Variants in KAZALD1 observed in about 807,000 individuals in gnomAD.
KAZALD1 encodes kazal-type serine protease inhibitor domain-containing protein 1.
In KAZALD1, 31 loss-of-function variants were observed where a neutral mutation model predicts 27.7. That is an observed-to-expected ratio of 1.12 (90% CI 0.84 to 1.51). KAZALD1 has a LOEUF of 1.51. Among genes scored for constraint, KAZALD1 ranks in the 40% most tolerant of loss-of-function variants. KAZALD1 has a pLI of 0.00. For synonymous variants in KAZALD1, 179 were observed against 182.0 expected (o/e 0.98, Z 0.13); for missense variants, 444 against 408.9 (o/e 1.09, Z -0.74).
chr10:101,067,587 A>T, downstream of KAZALD1: 2 of 339,042 alleles, frequency 5.9e-6, no homozygotes, highest in Non-Finnish European at 1.2e-5. Context: ...GGGCTGTCTG[A>T]AAATGACCCT....
At position 101,066,460 on chromosome 10, in the gene KAZALD1, G is replaced by C. The variant is rs1247527518; in HGVS notation, c.*1540G>C. On this transcript the variant is annotated 3_prime_UTR_variant, in exon 5 of 5. Transcript: ENST00000370200. ...TTATTGCCGAACCCAGGCTGGAAGCGGGCGGCCCTAGGAGCCGCGCACAAC... is the reference window on the plus strand; with the variant it reads ...TTATTGCCGAACCCAGGCTGGAAGCCGGCGGCCCTAGGAGCCGCGCACAAC... The C allele has an allele frequency of 8.8e-6, 4 of 456,712 alleles. No homozygotes were observed. In the East Asian group the frequency reaches 2.8e-4, roughly 32 times the overall value. 28.3% of individuals were successfully genotyped at this position (456,712 alleles called of 1,614,324 possible). A position where few individuals can be genotyped will look rare whatever the true frequency, so the allele number is the denominator to read the frequency against.
chr10:101,063,005 A>G lies in KAZALD1; in HGVS notation c.413A>G (p.Asp138Gly). 1 of 1,600,216 alleles carries G rather than the reference A, an allele frequency of 6.2e-7. No individual in the cohort carries two copies. The highest frequency in any genetic ancestry group is 8.5e-7 in the Non-Finnish European group (1 of 1,179,086). Residue 138 changes from aspartate (D) to glycine (G), a missense_variant, in exon 2 of 5, where the codon GAC (aspartate) becomes GGC (glycine). Transcript: ENST00000370200. ...CRSQSPLCGSDGHTYSQICRL... is the reference protein window; with the variant it reads ...CRSQSPLCGSGGHTYSQICRL... ...TCGCAGAGTCCGCTCTGCGGGTCCG[A>G]CGGTCACACCTACTCCCAGATCTGC... is the stretch of plus-strand genomic sequence containing the variant.
chr10:101,066,248 C>A lies in KAZALD1; in HGVS notation c.*1328C>A. On this transcript the variant is annotated 3_prime_UTR_variant, in exon 5 of 5. Coordinates refer to ENST00000370200, the MANE Select transcript of KAZALD1 (RefSeq NM_030929.5). ...CTCCACCCGGATCCTGGCGCCACTGCGGGAGGGCCTGCCCTTGGCTCAGCG... is the reference window on the plus strand; with the variant it reads ...CTCCACCCGGATCCTGGCGCCACTGAGGGAGGGCCTGCCCTTGGCTCAGCG... 2.8e-6 allele frequency: 1 copy of A among 361,990 alleles called. No individual in the cohort carries two copies. The highest frequency in any genetic ancestry group is 2.1e-5 in the South Asian group (1 of 48,614). 22.4% of individuals were successfully genotyped at this position (361,990 alleles called of 1,614,324 possible). A position where few individuals can be genotyped will look rare whatever the true frequency, so the allele number is the denominator to read the frequency against.
chr10:101,064,912 T>G lies in KAZALD1; in HGVS notation c.907T>G (p.Tyr303Asp). 6 of 1,612,106 alleles carry G rather than the reference T, an allele frequency of 3.7e-6. No individual in the cohort carries two copies. Among genetic ancestry groups the G allele is most frequent in the Non-Finnish European group, 4.2e-6 (5 of 1,178,214 alleles). Reference sequence around the variant, plus strand: ...GGCTGAGAGTGAAGAGAATGACGATTACTACTAGGTCCAGAGCTCTGGCCC... The same window carrying G: ...GGCTGAGAGTGAAGAGAATGACGATGACTACTAGGTCCAGAGCTCTGGCCC... ...EEAESEENDD[Y>D]Y Residue 303 changes from tyrosine to aspartate, a missense_variant, in exon 5 of 5, where the codon TAC (tyrosine) becomes GAC (aspartate). Coordinates refer to ENST00000370200, the MANE Select transcript of KAZALD1 (RefSeq NM_030929.5).
In KAZALD1 at chr10:101,062,785, C is replaced by T. The variant is rs1051187286; in HGVS notation, c.193C>T (p.Arg65Trp). The T allele has an allele frequency of 1.8e-5, 28 of 1,559,774 alleles. No homozygotes were observed. Among genetic ancestry groups the T allele is most frequent in the Non-Finnish European group, 2.2e-5 (25 of 1,161,978 alleles). Reference sequence around the variant, plus strand: ...CCGGCCAGAAGAGTGCGCCGCGCCGCGGGGCTGCCTGGCGGGCAGGGTGCG... The same window carrying T: ...CCGGCCAGAAGAGTGCGCCGCGCCGTGGGGCTGCCTGGCGGGCAGGGTGCG... ...PCRPEECAAP[R>W]GCLAGRVRDA... The change falls in exon 2 of 5, where the codon CGG becomes TGG. Residue 65 changes from arginine to tryptophan, a missense_variant. By Grantham distance (101) the Arg-to-Trp change is moderately radical. Transcript: ENST00000370200.
At position 101,066,425 on chromosome 10, in the gene KAZALD1, G is replaced by T. The variant is rs1389656992; in HGVS notation, c.*1505G>T. On this transcript the variant is annotated 3_prime_UTR_variant, in exon 5 of 5. Transcript: ENST00000370200. ...TGGCTTGCCCCGGGTCCTTAAGCCA[G>T]CGACAGTTTTTATTGCCGAACCCAG... 3 of 456,774 alleles carry T rather than the reference G, an allele frequency of 6.6e-6. No homozygotes were observed. Among genetic ancestry groups the T allele is most frequent in the South Asian group, 4.6e-5 (3 of 64,570 alleles). The allele number at this position is 456,774 out of a possible 1,614,324, so 28.3% of individuals were successfully genotyped here.
At chr10:101,067,441 A>G, downstream of KAZALD1, 1 of 394,098 alleles carries the variant, frequency 2.5e-6, no homozygotes, top group Non-Finnish European at 5.2e-6. Context: ...CGGGGCAGGA[A>G]GGGTCCGTCG....
At chr10:101,068,130 A>G (rs988931404), downstream of KAZALD1, 2 of 421,196 alleles carry the variant, frequency 4.7e-6, no homozygotes, top group African/African-American at 2.1e-5. Context: ...AAGATGCTTC[A>G]ATTTGTATTC....
At position 101,062,958 on chromosome 10, in the gene KAZALD1, G is replaced by A. The variant is rs748286188; in HGVS notation, c.366G>A (p.Pro122=). 4 of 1,601,766 alleles carry A rather than the reference G, an allele frequency of 2.5e-6. No individual in the cohort carries two copies. In the South Asian group the frequency reaches 3.3e-5, roughly 13 times the overall value. ...GCGACCTGAGCCGCGGAGAGGTGCCGGAACCTCTGTGTGCCTGTCGTTCGC... is the reference window on the plus strand; with the variant it reads ...GCGACCTGAGCCGCGGAGAGGTGCCAGAACCTCTGTGTGCCTGTCGTTCGC... ...TGGDLSRGEV[P]EPLCACRSQS... is the part of the protein sequence containing the mutation. Residue 122 remains proline (P), a synonymous_variant, in exon 2 of 5, where the codon CCG becomes CCA. Coordinates refer to ENST00000370200, the MANE Select transcript of KAZALD1 (RefSeq NM_030929.5).
In KAZALD1 at chr10:101,064,501, T is replaced by G; in HGVS notation, c.673T>G (p.Phe225Val). The G allele has an allele frequency of 6.2e-7, 1 of 1,614,110 alleles. No homozygotes were observed. Among genetic ancestry groups the G allele is most frequent in the South Asian group, 1.1e-5 (1 of 91,084 alleles). Residue 225 changes from phenylalanine (F) to valine (V), a missense_variant and splice_region_variant, in exon 4 of 5, where the codon TTT becomes GTT. Physicochemically the swap from Phe to Val is conservative, Grantham distance 50 (BLOSUM62 -1). Transcript: ENST00000370200. ...PGDDPHISVQ[F>V]RGGPQRFEVT... ...CTGCTGATTCCTTGCCTGGCTCCAG[T>G]TTAGGGGTGGACCCCAGAGGTTTGA...
downstream of KAZALD1, chr10:101,067,930 G>A: frequency 2.1e-6 from 1 of 471,588 alleles, no homozygotes; most frequent in South Asian, 1.5e-5. Flanking sequence ...TGGCGTGCGG[G>A]GAAGCGCCTG....
intron 2 of KAZALD1, 21 bp downstream of exon 2, chr10:101,063,124 C>T (rs1939213953): frequency 6.6e-7 from 1 of 1,515,922 alleles, no homozygotes. Context: ...CCCGGGGCCC[C>T]CACCCCAGCA....
chr10:101,062,651 T>C lies in KAZALD1; in HGVS notation c.59T>C (p.Leu20Pro). 1 of 1,564,222 alleles carries C rather than the reference T, an allele frequency of 6.4e-7. No individual in the cohort carries two copies. The highest frequency in any genetic ancestry group is 8.6e-7 in the Non-Finnish European group (1 of 1,163,890). The change falls in exon 2 of 5, where the codon CTG becomes CCG. Residue 20 changes from leucine (L) to proline (P), a missense_variant. By Grantham distance (98) the Leu-to-Pro change is moderately conservative. Coordinates refer to ENST00000370200, the MANE Select transcript of KAZALD1 (RefSeq NM_030929.5). ...ALALPVLLLL[L>P]VVLTPPPTGA... ...GCGCTGCCTGTGCTCCTGCTACTGC[T>C]GGTGGTGCTGACGCCGCCCCCGACC...
At chr10:101,067,159 G>C (rs933101981), downstream of KAZALD1, 12 of 415,824 alleles carry the variant, frequency 2.9e-5, no homozygotes, top group Admixed American at 3.0e-4. Flanking sequence ...GAGGGGGAGG[G>C]AGGAGGAGGG....
In KAZALD1 at chr10:101,063,120, G is replaced by A. The variant is rs1403988174; in HGVS notation, c.511+17G>A. The A allele has an allele frequency of 1.3e-6, 2 of 1,520,388 alleles. No individual in the cohort carries two copies. Among genetic ancestry groups the A allele is most frequent in the East Asian group, 2.3e-5 (1 of 43,498 alleles). The allele number at this position is 1,520,388 out of a possible 1,614,324, so 94.2% of individuals were successfully genotyped here. A position where few individuals can be genotyped will look rare whatever the true frequency, so the allele number is the denominator to read the frequency against. ...GCGAATCGGGTACGCATGGCCCGGG[G>A]CCCCCACCCCAGCACTTAGGTTTCC... is the stretch of plus-strand genomic sequence containing the variant. On this transcript the variant is annotated intron_variant, in intron 2 of 4. Coordinates refer to ENST00000370200, the MANE Select transcript of KAZALD1 (RefSeq NM_030929.5).
At position 101,065,279 on chromosome 10, in the gene KAZALD1, A is replaced by G. The variant is rs1939291440; in HGVS notation, c.*359A>G. ...CCACTTCTTCCAGCCCTGCTGGGCCACAGTTCTAACTGCCCTTCCTCCCAG... is the reference window on the plus strand; with the variant it reads ...CCACTTCTTCCAGCCCTGCTGGGCCGCAGTTCTAACTGCCCTTCCTCCCAG... On this transcript the variant is annotated 3_prime_UTR_variant, in exon 5 of 5. Transcript: ENST00000370200. 1.8e-5 allele frequency: 4 copies of G among 227,330 alleles called. No homozygotes were observed. Among genetic ancestry groups the G allele is most frequent in the Admixed American group, 1.0e-4 (2 of 19,582 alleles). The allele number at this position is 227,330 out of a possible 1,614,324, so 14.1% of individuals were successfully genotyped here.
At position 101,062,565 on chromosome 10, in the gene KAZALD1, C is replaced by G. The variant is rs201640457; in HGVS notation, c.-28C>G. Reference sequence around the variant, plus strand: ...AGGGTGCCCGAACGCGCTGATGCCCCGAGTGCTCGCAGGGCTTCCCGCTAA... The same window carrying G: ...AGGGTGCCCGAACGCGCTGATGCCCGGAGTGCTCGCAGGGCTTCCCGCTAA... On this transcript the variant is annotated 5_prime_UTR_variant, in exon 2 of 5. Transcript: ENST00000370200. The G allele has an allele frequency of 6.3e-7, 1 of 1,576,066 alleles. No homozygotes were observed. The highest frequency in any genetic ancestry group is 1.7e-5 in the Admixed American group (1 of 57,268).
intron 2 of KAZALD1, 24 bp downstream of exon 2, chr10:101,063,127 C>T: frequency 1.3e-6 from 2 of 1,508,498 alleles, no homozygotes; most frequent in Admixed American, 2.1e-5. Flanking sequence ...GGGGCCCCCA[C>T]CCCAGCACTT....
chr10:101,067,551 G>A (rs542265924), downstream of KAZALD1: 125 of 350,278 alleles, frequency 3.6e-4, no homozygotes, highest in African/African-American at 2.6e-3. Flanking sequence ...TCCATCTAGA[G>A]CAGGGTGTGA....
Sources: gnomAD v4.1 joint callset for allele counts on GRCh38, gnomAD v4.1.1 for gene constraint, MANE v1.5 for transcripts, NCBI Gene and HGNC (gene_info 2026-07-23, HGNC 2026-07-21) for gene names.